The following MAGI1 variants were observed in gnomAD, a reference collection of about 807,000 sequenced individuals.
MAGI1 encodes membrane-associated guanylate kinase, WW and PDZ domain-containing protein 1.
Under a neutral mutation model 139.9 loss-of-function variants are expected in MAGI1, and 58 were observed. The observed-to-expected ratio is 0.41, with a 90% confidence interval of 0.34 to 0.52. The LOEUF is 0.52. MAGI1 is among the 20% of genes least tolerant of loss of function. The probability of loss-of-function intolerance (pLI) is 0.12; values close to 1 mark genes in which losing one functional copy is unlikely to be tolerated. For missense variants in MAGI1, 1,874 were observed against 1,901.6 expected (o/e 0.99, Z 0.27); for synonymous variants, 812 against 737.9 (o/e 1.10, Z -1.63).
At chr3:65,647,012 G>C (rs2107282987) in intron 1 of MAGI1, among the ~76,000 whole-genome samples, 1 of 151,976 alleles carries the variant, frequency 6.6e-6, no homozygotes, top group East Asian at 1.9e-4. Flanking sequence ...AAGGAGAAAA[G>C]GGGAAATAAT....
In MAGI1 at chr3:65,401,755, G is replaced by A. The variant is rs1944914689; in HGVS notation, c.2168-285C>T. 3 of 1,421,844 alleles carry A rather than the reference G, an allele frequency of 2.1e-6. No individual in the cohort carries two copies. The African/African-American group carries it at 4.3e-5, about 20-fold the overall frequency. The allele number at this position is 1,421,844 out of a possible 1,614,324, so 88.1% of individuals were successfully genotyped here. The stretch of plus-strand genomic sequence containing the variant: ...AAATTCACAGACCTCAGCGGCCTGG[G>A]AAATTGAACACTTGGACAGAATCTC... On this transcript the variant is annotated intron_variant, in intron 12 of 22. Coordinates refer to ENST00000402939, the MANE Select transcript of MAGI1 (RefSeq NM_001033057.2).
chr3:65,707,512 C>T (rs1386463420), intron 1 of MAGI1, among the ~76,000 whole-genome samples: 2 of 152,034 alleles, frequency 1.3e-5, no homozygotes, highest in Non-Finnish European at 2.9e-5. Flanking sequence ...CAGTGAGACA[C>T]TGTCTCTCTA....
At chr3:65,598,846 C>T (rs1341341781) in intron 2 of MAGI1, among the ~76,000 whole-genome samples, 1 of 152,186 alleles carries the variant, frequency 6.6e-6, no homozygotes, top group East Asian at 1.9e-4. Context: ...GATCCTTCCT[C>T]TTCATCCACC....
intron 1 of MAGI1, among the ~76,000 whole-genome samples, chr3:65,971,157 T>C (rs1203088429): frequency 6.6e-6 from 1 of 152,174 alleles, no homozygotes; most frequent in East Asian, 1.9e-4. Context: ...TAGCCAAGAT[T>C]GTGCCACTGC....
At chr3:65,538,289 T>C (rs557778864) in intron 2 of MAGI1, among the ~76,000 whole-genome samples, 1 of 152,282 alleles carries the variant, frequency 6.6e-6, no homozygotes, top group South Asian at 2.1e-4. Flanking sequence ...GACTTGTAAA[T>C]TCTCCATATA....
intron 3 of MAGI1, among the ~76,000 whole-genome samples, chr3:65,481,471 G>A (rs879583236): frequency 6.6e-6 from 1 of 152,060 alleles, no homozygotes; most frequent in African/African-American, 2.4e-5. Flanking sequence ...AATCTGCATA[G>A]TGAGAAAAAA....
intron 1 of MAGI1, among the ~76,000 whole-genome samples, chr3:65,773,547 A>G (rs941599916): frequency 6.6e-6 from 1 of 152,104 alleles, no homozygotes; most frequent in African/African-American, 2.4e-5. Context: ...AAAAGACAAA[A>G]AAGAGTGGGG....
intron 1 of MAGI1, among the ~76,000 whole-genome samples, chr3:65,967,752 G>A (rs897153204): frequency 6.6e-6 from 1 of 152,208 alleles, no homozygotes; most frequent in Non-Finnish European, 1.5e-5. Flanking sequence ...GTACTGGCAA[G>A]CACCCAAGGC....
intron 12 of MAGI1, among the ~76,000 whole-genome samples, chr3:65,409,575 T>C (rs1185291004): frequency 6.6e-6 from 1 of 151,846 alleles, no homozygotes; most frequent in Admixed American, 6.6e-5. Context: ...ACACTATATA[T>C]CACAAAATTG....
At chr3:65,641,274 T>C (rs1259306052) in intron 1 of MAGI1, among the ~76,000 whole-genome samples, 2 of 152,042 alleles carry the variant, frequency 1.3e-5, no homozygotes. Flanking sequence ...TTACTCAGAG[T>C]GGAAGTGGCA....
At chr3:65,582,632 A>T (rs2081491149) in intron 2 of MAGI1, among the ~76,000 whole-genome samples, 1 of 152,166 alleles carries the variant, frequency 6.6e-6, no homozygotes, top group Admixed American at 6.5e-5. Context: ...AAGCTTCTCC[A>T]GAGAAATTGC....
rs1339392636 is a variant in MAGI1 at position 65,953,246 on chromosome 3, A to G, written c.313+84750T>C. On this transcript the variant is annotated intron_variant, in intron 1 of 22. Transcript: ENST00000402939. The stretch of plus-strand genomic sequence containing the variant: ...AAAAATTAAAACTAGATAAGTAAGG[A>G]CAGCTGCCTTTATACCTTCTGGCCT... 2.0e-5 allele frequency among the ~76,000 whole-genome samples: 3 copies of G among 152,222 alleles called. No homozygotes were observed. In the East Asian group the frequency reaches 5.8e-4, roughly 29 times the overall value.
chr3:65,882,354 C>A (rs1395355030), intron 1 of MAGI1, among the ~76,000 whole-genome samples: 1 of 152,220 alleles, frequency 6.6e-6, no homozygotes, highest in Non-Finnish European at 1.5e-5. Flanking sequence ...ATCAAAATAA[C>A]TCTAAAGACC....
intron 1 of MAGI1, among the ~76,000 whole-genome samples, chr3:66,022,380 T>C (rs962742202): frequency 1.2e-4 from 19 of 152,208 alleles, no homozygotes; most frequent in African/African-American, 4.3e-4. Flanking sequence ...ATTTTCCCGA[T>C]TTTTCTCTTA....
Position 65,940,050 on chromosome 3 carries a change from TAGAAAC to T in MAGI1, c.313+97940_313+97945del, listed in dbSNP as rs1474838329. Among the ~76,000 whole-genome samples, 5 of 152,182 alleles carry T rather than the reference TAGAAAC, an allele frequency of 3.3e-5. No individual in the cohort carries two copies. The East Asian group carries it at 9.6e-4, about 29-fold the overall frequency. ...TTTTCATCCCTACCTCTTTAATCCT[TAGAAAC>T]AGAATTTCTACATCACTGGCAAACA... On this transcript the variant is annotated intron_variant, in intron 1 of 22. Transcript: ENST00000402939.
chr3:65,891,207 A>AAC (rs202203334), intron 1 of MAGI1, among the ~76,000 whole-genome samples: 1 of 140,846 alleles, frequency 7.1e-6, no homozygotes, highest in East Asian at 1.9e-4. Context: ...GTCACAGAAA[A>AAC]ACACACACAA....
intron 1 of MAGI1, among the ~76,000 whole-genome samples, chr3:66,036,645 C>G (rs972246850): frequency 2.6e-5 from 4 of 152,180 alleles, no homozygotes; most frequent in East Asian, 3.9e-4. Context: ...GCGAGTCGGC[C>G]GCCCCCTCCT....
intron 2 of MAGI1, among the ~76,000 whole-genome samples, chr3:65,587,164 A>G (rs980446981): frequency 2.0e-5 from 3 of 152,202 alleles, no homozygotes; most frequent in Non-Finnish European, 4.4e-5. Context: ...CCATTGGGAT[A>G]CAGATGCTCC....
At chr3:65,388,586 G>A (rs1002468069) in intron 14 of MAGI1, among the ~76,000 whole-genome samples, 3 of 152,102 alleles carry the variant, frequency 2.0e-5, no homozygotes, top group Admixed American at 6.5e-5. Context: ...TAGGTGCTGT[G>A]AAAATAAGAA....
Sources: allele counts gnomAD v4.1 joint callset (sites outside exome capture counted in the v4.1 genomes callset), GRCh38; gene constraint gnomAD v4.1.1; transcripts MANE v1.5; gene names NCBI Gene and HGNC (gene_info 2026-07-23, HGNC 2026-07-21).